Variants in FKBP8 observed in about 807,000 individuals in gnomAD.
FKBP8 encodes the protein peptidyl-prolyl cis-trans isomerase FKBP8.
FKBP8 carries 5 observed loss-of-function variants against 41.7 expected under a neutral mutation model. The observed-to-expected ratio is 0.12, with a 90% CI of 0.06 to 0.25. The LOEUF (loss-of-function observed/expected upper bound fraction) is 0.25. FKBP8 is among the 10% of genes least tolerant of loss of function. FKBP8 has a pLI of 1.00. For missense variants in FKBP8, 397 were observed against 563.0 expected (o/e 0.71, Z 2.98); for synonymous variants, 279 against 254.5 (o/e 1.10, Z -0.92).
Position 18,537,460 on chromosome 19 carries a change from C to T in FKBP8, c.945+141G>A, listed in dbSNP as rs987641054. 53 of 720,356 alleles carry T rather than the reference C, an allele frequency of 7.4e-5. No homozygotes were observed. The highest frequency in any genetic ancestry group is 4.8e-4 in the Admixed American group (14 of 29,190). The allele number at this position is 720,356 out of a possible 1,614,324, so 44.6% of individuals were successfully genotyped here. On this transcript the variant is annotated intron_variant, in intron 6 of 8. Coordinates refer to ENST00000608443, the MANE Select transcript of FKBP8 (RefSeq NM_012181.5). The surrounding 1 kb of genome is among the most constrained non-coding windows in gnomAD (Gnocchi z 4.4). ...TGTGACCAGGCCACACTCCTGCACC[C>T]GTCTGGGCCTCAGTTTCTCCACCTG...
intron 1 of FKBP8, 107 bp from the exon 2 acceptor site, chr19:18,542,102 C>A: frequency 6.9e-7 from 1 of 1,441,952 alleles, no homozygotes. Context: ...AACTCAAGGG[C>A]TCCAGGCCTC....
At chr19:18,539,322 C>A (rs375341623) in intron 4 of FKBP8, 49 bp downstream of exon 4, 49 of 1,513,446 alleles carry the variant, frequency 3.2e-5, no homozygotes, top group Non-Finnish European at 4.4e-5. Context: ...CCCACTCCAC[C>A]CATCCCCCTC....
chr19:18,541,811 G>C lies in FKBP8; in HGVS notation c.160C>G (p.Pro54Ala), dbSNP rs1176669010. Residue 54 changes from proline to alanine, a missense_variant, in exon 2 of 9, where the codon CCG becomes GCG. This residue lies in a region of FKBP8 where 172 missense variants were observed against 196.2 expected (regional missense o/e 0.88). Transcript: ENST00000608443. ...EEEDDLSELP[P>A]LEDMGQPPAE... ...GGGGGTTGTCCCATGTCCTCCAGCG[G>C]TGGCAGCTCACTCAGGTCATCCTCT... The C allele has an allele frequency of 1.9e-6, 3 of 1,613,774 alleles. No individual in the cohort carries two copies. Among genetic ancestry groups the C allele is most frequent in the East Asian group, 2.2e-5 (1 of 44,872 alleles).
rs747333647 is a variant in FKBP8 at position 18,539,457 on chromosome 19, G to C, written c.465C>G (p.Ala155=). 1 of 1,613,652 alleles carries C rather than the reference G, an allele frequency of 6.2e-7. No individual in the cohort carries two copies. Among genetic ancestry groups the C allele is most frequent in the South Asian group, 1.1e-5 (1 of 91,064 alleles). Residue 155 remains alanine, a splice_region_variant and synonymous_variant, in exon 4 of 9, where the codon GCC becomes GCG. Transcript: ENST00000608443. ...FTLGDCDVIQ[A]LDLSVPLMDV... ...CCATGAGTGGGACACTGAGATCCAG[G>C]GCCTGGGGTGTGTGGGGATAGCCAG...
intron 8 of FKBP8, 98 bp from the exon 9 acceptor site, chr19:18,532,353 A>T: frequency 1.7e-6 from 2 of 1,184,686 alleles, no homozygotes; most frequent in Non-Finnish European, 2.5e-6. Flanking sequence ...CTCCCAACAA[A>T]TCATTGCCTG....
At position 18,531,830 on chromosome 19, in the gene FKBP8, G is replaced by C. The variant is rs991596739; in HGVS notation, c.*339C>G. ...CTGGACAGGGGGCGGCAGGCGGGGT[G>C]GGGGGCTGGCACTCAGGCGGGGACT... On this transcript the variant is annotated 3_prime_UTR_variant, in exon 9 of 9. Coordinates refer to ENST00000608443, the MANE Select transcript of FKBP8 (RefSeq NM_012181.5). 3.4e-6 allele frequency: 1 copy of C among 292,454 alleles called. No homozygotes were observed. The highest frequency in any genetic ancestry group is 6.4e-5 in the East Asian group (1 of 15,570). The allele number at this position is 292,454 out of a possible 1,614,324, so 18.1% of individuals were successfully genotyped here. A position where few individuals can be genotyped will look rare whatever the true frequency, so the allele number is the denominator to read the frequency against.
chr19:18,534,303 T>C (rs1568409227), intron 6 of FKBP8, among the ~76,000 whole-genome samples: 1 of 152,026 alleles, frequency 6.6e-6, no homozygotes, highest in African/African-American at 2.4e-5. Context: ...CGAGACTCCG[T>C]CTCAAAAACA....
chr19:18,533,115 G>A, intron 7 of FKBP8, 155 bp downstream of exon 7: 1 of 734,714 alleles, frequency 1.4e-6, no homozygotes, highest in Non-Finnish European at 2.2e-6. Context: ...CCGTCATGAG[G>A]GTCTTCACAA....
intron 8 of FKBP8, 144 bp downstream of exon 8, chr19:18,532,520 G>T: frequency 7.8e-7 from 1 of 1,289,884 alleles, no homozygotes; most frequent in Non-Finnish European, 1.1e-6. Context: ...CTCCACTCAT[G>T]ATCACACAGG....
At chr19:18,539,814 C>T in intron 2 of FKBP8, 94 bp from the exon 3 acceptor site, 1 of 1,446,870 alleles carries the variant, frequency 6.9e-7, no homozygotes, top group Non-Finnish European at 9.5e-7. Flanking sequence ...GCTCTGCCCA[C>T]TAGCTGTCCA....
chr19:18,533,362 G>C lies in FKBP8; in HGVS notation c.946-15C>G. On this transcript the variant is annotated splice_polypyrimidine_tract_variant and intron_variant, in intron 6 of 8. Coordinates refer to ENST00000608443, the MANE Select transcript of FKBP8 (RefSeq NM_012181.5). ...TGGGCCAGCACCTGTAAGGGGAAGG[G>C]GGTGGCATCACTCTGGACCCATACC... 6.3e-7 allele frequency: 1 copy of C among 1,594,176 alleles called. No individual in the cohort carries two copies. Among genetic ancestry groups the C allele is most frequent in the Middle Eastern group, 1.7e-4 (1 of 5,772 alleles).
rs774155652 is a variant in FKBP8 at position 18,541,658 on chromosome 19, T to C, written c.292+21A>G. On this transcript the variant is annotated intron_variant, in intron 2 of 8. Transcript: ENST00000608443. ...GAGAGGGCCAGGGCCAAGGGCACCC[T>C]GATCCACCTTTGCTCCTTACCCAGA... 5.1e-6 allele frequency: 8 copies of C among 1,581,056 alleles called. No individual in the cohort carries two copies. The South Asian group carries it at 7.0e-5, about 14-fold the overall frequency.
intron 6 of FKBP8, among the ~76,000 whole-genome samples, chr19:18,536,997 A>C (rs550894077): frequency 6.6e-6 from 1 of 152,140 alleles, no homozygotes; most frequent in East Asian, 1.9e-4. Context: ...ATTCCACTTT[A>C]CTCTGAGGAA....
At position 18,537,179 on chromosome 19, in the gene FKBP8, A is replaced by T. The variant is rs1316951934; in HGVS notation, c.945+422T>A. Among the ~76,000 whole-genome samples, 1 of 152,120 alleles carries T rather than the reference A, an allele frequency of 6.6e-6. No individual in the cohort carries two copies. Among genetic ancestry groups the T allele is most frequent in the African/African-American group, 2.4e-5 (1 of 41,420 alleles). On this transcript the variant is annotated intron_variant, in intron 6 of 8. Coordinates refer to ENST00000608443, the MANE Select transcript of FKBP8 (RefSeq NM_012181.5). This position sits in a 1 kb window ranked among gnomAD's most constrained non-coding sequence, Gnocchi z 4.4. ...TATGGCTAACCACATCTCTACTAAAAATACAAAAATTAACTGGGTGTGGTG... is the reference window on the plus strand; with the variant it reads ...TATGGCTAACCACATCTCTACTAAATATACAAAAATTAACTGGGTGTGGTG...
At position 18,533,236 on chromosome 19, in the gene FKBP8, C is replaced by T. The variant is rs1251711750; in HGVS notation, c.1023+34G>A. ...CAGACCGCAGGAGGGACTTCCCAGC[C>T]GAGCAAGTCCCAGGGCACCCCTGTC... On this transcript the variant is annotated intron_variant, in intron 7 of 8. Coordinates refer to ENST00000608443, the MANE Select transcript of FKBP8 (RefSeq NM_012181.5). 22 of 1,526,898 alleles carry T rather than the reference C, an allele frequency of 1.4e-5. No homozygotes were observed. The East Asian group carries it at 2.2e-4, about 15-fold the overall frequency. 94.6% of individuals were successfully genotyped at this position (1,526,898 alleles called of 1,614,324 possible). A position where few individuals can be genotyped will look rare whatever the true frequency, so the allele number is the denominator to read the frequency against.
In FKBP8 at chr19:18,538,807, GCTTT is replaced by G; in HGVS notation, c.552-375_552-372del. Among the ~76,000 whole-genome samples, 1 of 132,258 alleles carries G rather than the reference GCTTT, an allele frequency of 7.6e-6. No individual in the cohort carries two copies. Among genetic ancestry groups the G allele is most frequent in the South Asian group, 2.4e-4 (1 of 4,190 alleles). 86.8% of individuals were successfully genotyped at this position (132,258 alleles called of 152,430 possible). The stretch of plus-strand genomic sequence containing the variant: ...GGACTACAGGTGTGCACCACACCCA[GCTTT>G]TTTTTTTTTTTTTTTTTTTTTTTGA... On this transcript the variant is annotated intron_variant, in intron 4 of 8. Coordinates refer to ENST00000608443, the MANE Select transcript of FKBP8 (RefSeq NM_012181.5). This position sits in a 1 kb window ranked among gnomAD's most constrained non-coding sequence, Gnocchi z 4.0.
At chr19:18,533,033 GGACA>G (rs1600527606) in intron 7 of FKBP8, 1 of 729,406 alleles carries the variant, frequency 1.4e-6, no homozygotes, top group Non-Finnish European at 2.2e-6. Context: ...GGAAGGCCAA[GGACA>G]CTGGCATGGA....
chr19:18,539,506 C>T (rs760404511), intron 3 of FKBP8, 45 bp downstream of exon 3: 28 of 1,611,094 alleles, frequency 1.7e-5, no homozygotes, highest in Non-Finnish European at 2.4e-5. Flanking sequence ...TCAGACCCAG[C>T]AAGGCACGCC....
chr19:18,532,904 AG>A (rs1348849417), intron 7 of FKBP8, 109 bp from the exon 8 acceptor site: 19 of 1,508,536 alleles, frequency 1.3e-5, no homozygotes, highest in Non-Finnish European at 1.4e-5. Context: ...GTTGGGACAC[AG>A]GGGTCCCATC....
Sources: allele counts gnomAD v4.1 joint callset (sites outside exome capture counted in the v4.1 genomes callset), GRCh38; gene constraint gnomAD v4.1.1; regional missense constraint gnomAD v4.1.1; non-coding constraint Gnocchi (gnomAD v3.1); transcripts MANE v1.5; gene names NCBI Gene and HGNC (gene_info 2026-07-23, HGNC 2026-07-21).